TENM3: variants seen among roughly 807,000 people sequenced by gnomAD.
TENM3 encodes the protein teneurin transmembrane protein 3, also known as teneurin-3.
A neutral mutation model predicts 255.1 loss-of-function variants in TENM3; 63 were observed. The observed-to-expected ratio is 0.25, with a 90% CI of 0.20 to 0.30. TENM3 has a LOEUF of 0.30. Ranked by LOEUF, TENM3 falls within the 10% of genes least tolerant of loss-of-function variation. The probability of loss-of-function intolerance (pLI) is 1.00; values close to 1 mark genes in which losing one functional copy is unlikely to be tolerated. For missense variants in TENM3, 2,929 were observed against 3,461.1 expected, an observed-to-expected ratio of 0.85 and a Z score of 3.86; for synonymous variants, 1,306 against 1,322.3, an observed-to-expected ratio of 0.99 and a Z score of 0.27.
At chr4:182,319,293 C>A (rs544244932) in intron 1 of TENM3, among the ~76,000 whole-genome samples, 51 of 152,322 alleles carry the variant, frequency 3.3e-4, no homozygotes, top group African/African-American at 1.1e-3. Context: ...CATTTCTTAA[C>A]CTTCTCGTCT....
the TENM3 span, among the ~76,000 whole-genome samples, chr4:182,030,565 T>C: frequency 2.6e-5 from 4 of 152,196 alleles, no homozygotes; most frequent in Non-Finnish European, 4.4e-5. Context: ...ATCTTTATAA[T>C]AGGATGATTT....
the TENM3 span, among the ~76,000 whole-genome samples, chr4:181,850,934 C>T: frequency 6.6e-6 from 1 of 152,122 alleles, no homozygotes; most frequent in Non-Finnish European, 1.5e-5. Flanking sequence ...ATTACATCAC[C>T]ACTGGAGGTG....
rs1274576917 is a variant in TENM3, at chr4:182,286,513, C to T, written c.-75-37433C>T. Reference sequence around the variant, plus strand: ...TCCACAACGCTGACGGACCCCTCAACCCCCACATCTCTTCCCTCTACCCTC... The same window carrying T: ...TCCACAACGCTGACGGACCCCTCAATCCCCACATCTCTTCCCTCTACCCTC... On this transcript the variant is annotated intron_variant, in intron 1 of 27. Transcript: ENST00000511685. Among the ~76,000 whole-genome samples, 3 of 152,162 alleles carry T rather than the reference C, an allele frequency of 2.0e-5. No individual in the cohort carries two copies. The East Asian group carries it at 5.8e-4, about 29-fold the overall frequency.
At chr4:182,004,845 T>A in the TENM3 span, among the ~76,000 whole-genome samples, 2 of 152,202 alleles carry the variant, frequency 1.3e-5, no homozygotes, top group Non-Finnish European at 2.9e-5. Context: ...GTTTTTCTCA[T>A]GTTTGTTGAC....
At chr4:181,660,175 G>A in the TENM3 span, among the ~76,000 whole-genome samples, 1 of 152,034 alleles carries the variant, frequency 6.6e-6, no homozygotes, top group African/African-American at 2.4e-5. Flanking sequence ...ACACCATTGT[G>A]GGGGTATGGT....
At chr4:181,912,577 G>C in the TENM3 span, among the ~76,000 whole-genome samples, 10 of 151,944 alleles carry the variant, frequency 6.6e-5, no homozygotes, top group African/African-American at 1.9e-4. Context: ...TGGATCACTT[G>C]AGGTCAGGAG....
chr4:182,291,502 G>A (rs1440791379), intron 1 of TENM3, among the ~76,000 whole-genome samples: 1 of 151,940 alleles, frequency 6.6e-6, no homozygotes, highest in Non-Finnish European at 1.5e-5. Flanking sequence ...CCCGCTGTGT[G>A]TCCCACGCAG....
the TENM3 span, among the ~76,000 whole-genome samples, chr4:181,640,637 C>T: frequency 4.2e-3 from 646 of 152,294 alleles, 3 homozygotes; most frequent in African/African-American, 0.015. Context: ...CCCCTCCAGA[C>T]GAGTTCCCTA....
the TENM3 span, among the ~76,000 whole-genome samples, chr4:182,035,519 T>C: frequency 6.6e-6 from 1 of 152,192 alleles, no homozygotes; most frequent in African/African-American, 2.4e-5. Flanking sequence ...TCCCTACCAA[T>C]AGAATTAACA....
the TENM3 span, among the ~76,000 whole-genome samples, chr4:181,873,677 A>C: frequency 1.3e-5 from 2 of 152,114 alleles, no homozygotes; most frequent in Non-Finnish European, 2.9e-5. Context: ...TCAGCACAAG[A>C]TCTATCTTGG....
chr4:181,691,549 G>GT, the TENM3 span, among the ~76,000 whole-genome samples: 2,561 of 152,114 alleles, frequency 0.017, 34 homozygotes, highest in South Asian at 0.028. Context: ...AAACTGGAGG[G>GT]TTTTTTCCTT....
At chr4:182,423,662 T>C (rs1047002524) in intron 3 of TENM3, among the ~76,000 whole-genome samples, 2 of 152,144 alleles carry the variant, frequency 1.3e-5, no homozygotes, top group African/African-American at 4.8e-5. Flanking sequence ...AGCTCCAAGA[T>C]GGCCAATTTA....
intron 4 of TENM3, among the ~76,000 whole-genome samples, chr4:182,603,765 T>TTTTATA (rs778280837): frequency 1.0e-5 from 1 of 95,504 alleles, no homozygotes; most frequent in Non-Finnish European, 2.4e-5. Flanking sequence ...TGGCAATTAT[T>TTTTATA]TATATATATA....
rs779076765 is a variant in TENM3, at chr4:182,737,043, A to G, written c.3203A>G (p.Asn1068Ser). 2 of 1,613,840 alleles carry G rather than the reference A, an allele frequency of 1.2e-6. No homozygotes were observed. The highest frequency in any genetic ancestry group is 4.5e-5 in the East Asian group (2 of 44,866). Residue 1068 changes from asparagine to serine, a missense_variant, in exon 17 of 28, where the codon AAT (asparagine) becomes AGT (serine). This residue lies in a region of TENM3 where 1,608 missense variants were observed against 1,884.4 expected (regional missense o/e 0.85). Transcript: ENST00000511685. Reference protein sequence around the residue: ...TFIWDKTDAYNQKVYGLSEAV... With the variant: ...TFIWDKTDAYSQKVYGLSEAV... Reference sequence around the variant, plus strand: ...ATATGGGATAAAACAGATGCATATAATCAGAAAGTCTATGGTCTATCTGAA... The same window carrying G: ...ATATGGGATAAAACAGATGCATATAGTCAGAAAGTCTATGGTCTATCTGAA...
At chr4:182,755,590 G>A (rs1308709181) in intron 22 of TENM3, among the ~76,000 whole-genome samples, 2 of 152,112 alleles carry the variant, frequency 1.3e-5, no homozygotes, top group Non-Finnish European at 2.9e-5. Flanking sequence ...TGTAATCCCA[G>A]CACTTTGGGA....
chr4:181,669,310 T>C, the TENM3 span, among the ~76,000 whole-genome samples: 1 of 152,168 alleles, frequency 6.6e-6, no homozygotes, highest in Non-Finnish European at 1.5e-5. Context: ...CTTTATTTGA[T>C]GAAGGGATTC....
the TENM3 span, among the ~76,000 whole-genome samples, chr4:181,921,423 G>C: frequency 7.2e-5 from 11 of 152,162 alleles, no homozygotes; most frequent in African/African-American, 2.7e-4. Context: ...GCAGTGGTTT[G>C]TAGTTCTCCT....
At chr4:181,812,590 T>TG in the TENM3 span, among the ~76,000 whole-genome samples, 3 of 152,220 alleles carry the variant, frequency 2.0e-5, no homozygotes, top group Non-Finnish European at 1.5e-5. Flanking sequence ...CTGTGCACTC[T>TG]GAGTGCCAAT....
the TENM3 span, among the ~76,000 whole-genome samples, chr4:181,949,535 C>T: frequency 6.6e-6 from 1 of 152,200 alleles, no homozygotes; most frequent in Non-Finnish European, 1.5e-5. Flanking sequence ...CTTTCACCTG[C>T]ACCTCTACCA....
Sources: allele counts gnomAD v4.1 joint callset (sites outside exome capture counted in the v4.1 genomes callset), GRCh38; gene constraint gnomAD v4.1.1; regional missense constraint gnomAD v4.1.1; transcripts MANE v1.5; gene names NCBI Gene and HGNC (gene_info 2026-07-23, HGNC 2026-07-21).